KCNIP4: variants seen among roughly 807,000 people sequenced by gnomAD.
The protein encoded by KCNIP4 is potassium voltage-gated channel interacting protein 4.
In KCNIP4, 12 loss-of-function variants were observed where a neutral mutation model predicts 34.0. That is an observed-to-expected ratio of 0.35 (90% CI 0.23 to 0.57). KCNIP4 has a LOEUF of 0.57. Among genes scored for constraint, KCNIP4 ranks in the 20% least tolerant of loss-of-function variants. The pLI is 0.83. For missense variants in KCNIP4, 238 were observed against 311.7 expected (o/e 0.76, Z 1.78); for synonymous variants, 124 against 102.2 (o/e 1.21, Z -1.29).
chr4:21,301,168 G>A (rs974582191), intron 1 of KCNIP4, among the ~76,000 whole-genome samples: 16 of 152,032 alleles, frequency 1.1e-4, no homozygotes, highest in Non-Finnish European at 2.9e-5. Context: ...CTACAATGAA[G>A]GAGAACTCAA....
intron 3 of KCNIP4, among the ~76,000 whole-genome samples, chr4:20,790,952 C>T (rs1340467897): frequency 6.6e-6 from 1 of 152,016 alleles, no homozygotes; most frequent in African/African-American, 2.4e-5. Context: ...AAGTAGAATT[C>T]AGAAAGAATA....
intron 1 of KCNIP4, among the ~76,000 whole-genome samples, chr4:21,007,574 C>T (rs188725466): frequency 6.6e-6 from 1 of 152,184 alleles, no homozygotes; most frequent in Admixed American, 6.5e-5. Flanking sequence ...CTTCCCTTCC[C>T]AGCCTCTGGT....
intron 1 of KCNIP4, among the ~76,000 whole-genome samples, chr4:21,458,149 C>G (rs547894306): frequency 5.0e-5 from 6 of 120,328 alleles, no homozygotes; most frequent in African/African-American, 1.6e-4. Context: ...CCCCCTCCCC[C>G]CACCCTACCA....
intron 1 of KCNIP4, among the ~76,000 whole-genome samples, chr4:21,020,545 A>C (rs892980124): frequency 1.3e-5 from 2 of 152,156 alleles, no homozygotes; most frequent in Non-Finnish European, 2.9e-5. Flanking sequence ...CCCTAAAAGG[A>C]CACGATCTTC....
intron 4 of KCNIP4, among the ~76,000 whole-genome samples, chr4:20,755,948 C>T (rs1464788699): frequency 2.0e-5 from 3 of 151,926 alleles, no homozygotes; most frequent in Non-Finnish European, 4.4e-5. Context: ...ACAGTAGCCA[C>T]CATTTGTAGG....
At chr4:21,065,321 G>A (rs1278776423) in intron 1 of KCNIP4, among the ~76,000 whole-genome samples, 1 of 152,050 alleles carries the variant, frequency 6.6e-6, no homozygotes, top group Non-Finnish European at 1.5e-5. Context: ...CCTTGGCTGG[G>A]CTTAGGAAAG....
intron 1 of KCNIP4, among the ~76,000 whole-genome samples, chr4:21,250,208 T>C (rs1380213824): frequency 3.9e-5 from 4 of 102,736 alleles, no homozygotes; most frequent in East Asian, 2.3e-4. Flanking sequence ...GCAGAGATCT[T>C]AGGACTGTTA....
intron 1 of KCNIP4, among the ~76,000 whole-genome samples, chr4:21,602,398 T>G (rs1743258553): frequency 1.3e-5 from 2 of 152,116 alleles, no homozygotes; most frequent in Non-Finnish European, 2.9e-5. Context: ...ACTCAATAAA[T>G]GTATCCTGAA....
Position 20,907,822 on chromosome 4 carries a change from A to T in KCNIP4, c.62-25113T>A, listed in dbSNP as rs946377386. Among the ~76,000 whole-genome samples the T allele has an allele frequency of 2.6e-5, 4 of 151,796 alleles. No individual in the cohort carries two copies. In the East Asian group the frequency reaches 7.8e-4, roughly 30 times the overall value. On this transcript the variant is annotated intron_variant, in intron 1 of 8. Coordinates refer to ENST00000382152, the MANE Select transcript of KCNIP4 (RefSeq NM_025221.6). ...AAGCTCCGCCTCCCGGGTTCACGCC[A>T]TTCTCCTTCCTCAGTCACCGGAGTA...
At chr4:20,961,896 GCATTAACT>G (rs1274915831) in intron 1 of KCNIP4, among the ~76,000 whole-genome samples, 1 of 152,164 alleles carries the variant, frequency 6.6e-6, no homozygotes, top group Non-Finnish European at 1.5e-5. Context: ...ATGCTCATGT[GCATTAACT>G]CATAATACTA....
chr4:21,097,534 C>A (rs1039939553), intron 1 of KCNIP4, among the ~76,000 whole-genome samples: 1 of 152,008 alleles, frequency 6.6e-6, no homozygotes, highest in Non-Finnish European at 1.5e-5. Context: ...GTAATTATTA[C>A]AATATTTACA....
chr4:21,686,645 T>G (rs953533787), intron 1 of KCNIP4, among the ~76,000 whole-genome samples: 1 of 152,038 alleles, frequency 6.6e-6, no homozygotes, highest in Non-Finnish European at 1.5e-5. Flanking sequence ...ATGTGTACAG[T>G]TAGAGAGAAT....
intron 1 of KCNIP4, among the ~76,000 whole-genome samples, chr4:21,723,789 G>A (rs1372921786): frequency 6.6e-6 from 1 of 152,042 alleles, no homozygotes; most frequent in Non-Finnish European, 1.5e-5. Flanking sequence ...GGATTATCTG[G>A]TTGTGATCTA....
At chr4:20,887,142 C>T (rs1725402470) in intron 1 of KCNIP4, among the ~76,000 whole-genome samples, 1 of 151,856 alleles carries the variant, frequency 6.6e-6, no homozygotes, top group Non-Finnish European at 1.5e-5. Flanking sequence ...ATGGACTTAA[C>T]AGCAGACTGA....
intron 1 of KCNIP4, among the ~76,000 whole-genome samples, chr4:21,240,053 G>T (rs1759684415): frequency 6.6e-6 from 1 of 151,888 alleles, no homozygotes; most frequent in African/African-American, 2.4e-5. Context: ...CATAAAAAAT[G>T]ATGAGTTCAT....
intron 1 of KCNIP4, among the ~76,000 whole-genome samples, chr4:20,903,627 A>G (rs1486502169): frequency 6.6e-6 from 1 of 152,060 alleles, no homozygotes; most frequent in African/African-American, 2.4e-5. Context: ...TCTGAACCAA[A>G]CGAATGTACT....
rs370607817 is a variant in KCNIP4 at position 20,991,720 on chromosome 4, AG to A, written c.62-109012del. Among the ~76,000 whole-genome samples the A allele has an allele frequency of 2.1e-4, 32 of 152,332 alleles. No individual in the cohort carries two copies. The South Asian group carries it at 2.9e-3, about 14-fold the overall frequency. ...TCATCAGCTTCATTTTCTCAGCCAC[AG>A]CTTCAGATGACCTTGGAAATGGAAC... On this transcript the variant is annotated intron_variant, in intron 1 of 8. Coordinates refer to ENST00000382152, the MANE Select transcript of KCNIP4 (RefSeq NM_025221.6).
chr4:20,802,484 T>A (rs1328374068), intron 3 of KCNIP4, among the ~76,000 whole-genome samples: 2 of 152,056 alleles, frequency 1.3e-5, no homozygotes, highest in Non-Finnish European at 2.9e-5. Context: ...TGGACTCAAA[T>A]TGCACTTTTG....
chr4:21,316,066 A>C (rs1713727239), intron 1 of KCNIP4, among the ~76,000 whole-genome samples: 2 of 152,172 alleles, frequency 1.3e-5, no homozygotes, highest in Admixed American at 6.5e-5. Context: ...ATTCTTACCC[A>C]TCATTTAAGA....
Sources: gnomAD v4.1 joint callset for allele counts (sites outside exome capture counted in the v4.1 genomes callset) on GRCh38, gnomAD v4.1.1 for gene constraint, MANE v1.5 for transcripts, NCBI Gene and HGNC (gene_info 2026-07-23, HGNC 2026-07-21) for gene names.